Variants in LDB2 observed in about 807,000 individuals in gnomAD.
LDB2 encodes the protein LIM domain-binding protein 2.
A neutral mutation model predicts 44.3 loss-of-function variants in LDB2; 12 were observed. The ratio of observed to expected loss-of-function variants is 0.27; its 90% CI spans 0.17 to 0.44. The LOEUF is 0.44. LDB2 is among the 20% of genes least tolerant of loss of function. LDB2 has a pLI of 1.00. For missense variants in LDB2, 344 were observed against 473.5 expected, an observed-to-expected ratio of 0.73 and a Z score of 2.54; for synonymous variants, 164 against 174.8, an observed-to-expected ratio of 0.94 and a Z score of 0.49.
At chr4:16,757,114 C>T (rs774969354) in intron 2 of LDB2, among the ~76,000 whole-genome samples, 1 of 152,152 alleles carries the variant, frequency 6.6e-6, no homozygotes, top group Non-Finnish European at 1.5e-5. Context: ...CATGCCTGGA[C>T]CTCGAACGGG....
chr4:16,696,728 A>G (rs16893812), intron 2 of LDB2, among the ~76,000 whole-genome samples: 2,931 of 152,288 alleles, frequency 0.019, 39 homozygotes, highest in Non-Finnish European at 0.028. Context: ...TTTTTCTTAG[A>G]GCAGTGGTCA....
chr4:16,694,936 C>A (rs996877138), intron 2 of LDB2, among the ~76,000 whole-genome samples: 4 of 152,160 alleles, frequency 2.6e-5, no homozygotes, highest in African/African-American at 4.8e-5. Context: ...GGCATCTTGG[C>A]CCCAGTTTGC....
chr4:16,891,449 A>T (rs554820146), intron 1 of LDB2, among the ~76,000 whole-genome samples: 100 of 151,446 alleles, frequency 6.6e-4, no homozygotes, highest in Non-Finnish European at 1.1e-3. Flanking sequence ...TGTAGCTGAG[A>T]CTACAGGCGT....
rs1299051325 is a variant in LDB2, at chr4:16,844,333, A to ACTTCTC, written c.132+54015_132+54020dup. Among the ~76,000 whole-genome samples the ACTTCTC allele has an allele frequency of 2.0e-5, 3 of 149,792 alleles. No individual in the cohort carries two copies. In the East Asian group the frequency reaches 5.9e-4, roughly 29 times the overall value. On this transcript the variant is annotated intron_variant, in intron 1 of 7. Transcript: ENST00000304523. ...TGTAGAAGTAAAAACTAAATACCTCACTTCTCCTCCCACTTCCCTGGGTGC... is the reference window on the plus strand; with the variant it reads ...TGTAGAAGTAAAAACTAAATACCTCACTTCTCCTTCTCCTCCCACTTCCCTGGGTGC...
chr4:16,687,588 C>A (rs143795484), intron 2 of LDB2, among the ~76,000 whole-genome samples: 1 of 152,296 alleles, frequency 6.6e-6, no homozygotes, highest in African/African-American at 2.4e-5. Context: ...AATAAGTAAA[C>A]TAAGTCTGGA....
At chr4:16,779,557 A>G (rs157611) in intron 1 of LDB2, among the ~76,000 whole-genome samples, 126,045 of 152,112 alleles carry the variant, frequency 0.83, 53,061 homozygotes, top group Middle Eastern at 0.92. Flanking sequence ...GGAAGACACG[A>G]GGTGAGTAAC....
At chr4:16,542,289 T>A (rs142212324) in intron 5 of LDB2, among the ~76,000 whole-genome samples, 1 of 151,952 alleles carries the variant, frequency 6.6e-6, no homozygotes, top group East Asian at 1.9e-4. Context: ...GGGACAGAGA[T>A]GAGAGAAAAG....
chr4:16,800,052 A>C (rs1777486162), intron 1 of LDB2, among the ~76,000 whole-genome samples: 1 of 152,176 alleles, frequency 6.6e-6, no homozygotes, highest in South Asian at 2.1e-4. Context: ...GAAAAGACTG[A>C]GGTCCGGGAC....
At chr4:16,572,090 A>G (rs1746751146) in intron 5 of LDB2, among the ~76,000 whole-genome samples, 1 of 152,180 alleles carries the variant, frequency 6.6e-6, no homozygotes, top group Admixed American at 6.5e-5. Context: ...AAGGGTGTTG[A>G]CTGAGTTCAC....
chr4:16,700,325 G>A (rs1276434416), intron 2 of LDB2, among the ~76,000 whole-genome samples: 1 of 152,048 alleles, frequency 6.6e-6, no homozygotes, highest in East Asian at 1.9e-4. Flanking sequence ...CAAACTCCAT[G>A]AAACTGACTC....
intron 2 of LDB2, chr4:16,674,409 C>T (rs1745712776): frequency 4.0e-6 from 2 of 502,988 alleles, no homozygotes; most frequent in Non-Finnish European, 7.3e-6. Context: ...CCCCAGCTCT[C>T]TCAGTGATAA....
At chr4:16,825,854 T>C (rs1016546632) in intron 1 of LDB2, among the ~76,000 whole-genome samples, 4 of 152,096 alleles carry the variant, frequency 2.6e-5, no homozygotes, top group African/African-American at 9.7e-5. Flanking sequence ...AAACAGCAAT[T>C]TTCATTTTCT....
chr4:16,650,235 T>A (rs1182107445), intron 2 of LDB2, among the ~76,000 whole-genome samples: 1 of 152,222 alleles, frequency 6.6e-6, no homozygotes, highest in Non-Finnish European at 1.5e-5. Flanking sequence ...GAGATAATGA[T>A]AAAACTTGTC....
At position 16,698,723 on chromosome 4, in the gene LDB2, T is replaced by C. The variant is rs548742436; in HGVS notation, c.235+60435A>G. ...TTTTCATGTATTTATGACATACTTA[T>C]TAGTGTATTTTATTTGCCATACAGA... On this transcript the variant is annotated intron_variant, in intron 2 of 7. Coordinates refer to ENST00000304523, the MANE Select transcript of LDB2 (RefSeq NM_001290.5). 1.4e-4 allele frequency among the ~76,000 whole-genome samples: 22 copies of C among 152,314 alleles called. No homozygotes were observed. The South Asian group carries it at 4.1e-3, about 29-fold the overall frequency.
chr4:16,518,869 T>C lies in LDB2; in HGVS notation c.616-6765A>G, dbSNP rs76326348. Among the ~76,000 whole-genome samples the C allele has an allele frequency of 2.0e-3, 301 of 152,336 alleles. 1 individual carries two copies. Among genetic ancestry groups the C allele is most frequent in the African/African-American group, 6.9e-3 (286 of 41,584 alleles). On this transcript the variant is annotated intron_variant, in intron 5 of 7. Transcript: ENST00000304523. ...TATGCCCAGTGAAATAGTTGAGTTA[T>C]GTCCTGGAGAGAGCTCCTTTACTTG... is the stretch of plus-strand genomic sequence containing the variant.
chr4:16,661,490 A>T (rs1468113612), intron 2 of LDB2, among the ~76,000 whole-genome samples: 1 of 152,178 alleles, frequency 6.6e-6, no homozygotes, highest in Admixed American at 6.5e-5. Flanking sequence ...CAGTTTCCTC[A>T]TCTTCAGTGG....
intron 6 of LDB2, among the ~76,000 whole-genome samples, 194 bp from the exon 7 acceptor site, chr4:16,508,880 CTCTT>C (rs1290403518): frequency 1.3e-5 from 2 of 152,086 alleles, no homozygotes; most frequent in African/African-American, 4.8e-5. Flanking sequence ...ATATGTGACA[CTCTT>C]TTCTTTGTGT....
intron 2 of LDB2, among the ~76,000 whole-genome samples, chr4:16,600,771 C>A (rs554527737): frequency 5.7e-4 from 87 of 152,190 alleles, no homozygotes; most frequent in African/African-American, 2.0e-3. Context: ...GAGGCAGGAT[C>A]TAACTTCTAT....
chr4:16,547,275 G>C (rs907759699), intron 5 of LDB2, among the ~76,000 whole-genome samples: 1 of 152,196 alleles, frequency 6.6e-6, no homozygotes, highest in African/African-American at 2.4e-5. Flanking sequence ...AGCAAGTTAA[G>C]AGGATTTCTT....
Sources: gnomAD v4.1 joint callset for allele counts (sites outside exome capture counted in the v4.1 genomes callset) on GRCh38, gnomAD v4.1.1 for gene constraint, MANE v1.5 for transcripts, NCBI Gene and HGNC (gene_info 2026-07-23, HGNC 2026-07-21) for gene names.